FTO: variants seen among roughly 807,000 people sequenced by gnomAD.
FTO encodes the protein FTO alpha-ketoglutarate dependent dioxygenase, also known as alpha-ketoglutarate-dependent dioxygenase FTO.
FTO carries 47 observed loss-of-function variants against 63.9 expected under a neutral mutation model. That is an observed-to-expected ratio of 0.74 (90% confidence interval 0.58 to 0.94). FTO has a LOEUF of 0.94. FTO is among the 40% of genes least tolerant of loss of function. The probability of loss-of-function intolerance (pLI) is 0.00; values close to 1 mark genes in which losing one functional copy is unlikely to be tolerated. For synonymous variants in FTO, 207 were observed against 224.4 expected, an observed-to-expected ratio of 0.92 and a Z score of 0.69; for missense variants, 562 against 618.1, an observed-to-expected ratio of 0.91 and a Z score of 0.96.
intron 8 of FTO, among the ~76,000 whole-genome samples, chr16:54,081,278 C>T (rs1567559749): frequency 6.6e-6 from 1 of 152,116 alleles, no homozygotes; most frequent in Non-Finnish European, 1.5e-5. Context: ...ACCCCCTTTC[C>T]AAAGAAGGCG....
chr16:53,946,794 T>A (rs1473629774), intron 8 of FTO, among the ~76,000 whole-genome samples: 1 of 152,186 alleles, frequency 6.6e-6, no homozygotes, highest in African/African-American at 2.4e-5. Flanking sequence ...AGCTCTGGCC[T>A]CTTTCCTACC....
chr16:53,823,057 A>G (rs1204898186), intron 2 of FTO, among the ~76,000 whole-genome samples: 18 of 152,172 alleles, frequency 1.2e-4, no homozygotes, highest in Non-Finnish European at 4.4e-5. Flanking sequence ...ATTCAGAGAC[A>G]TCTCTACATG....
chr16:53,888,585 A>G (rs11859341), intron 6 of FTO, among the ~76,000 whole-genome samples: 27,555 of 151,940 alleles, frequency 0.18, 2,781 homozygotes, highest in South Asian at 0.28. Flanking sequence ...CTGCCAATCT[A>G]TTAGGATTAT....
chr16:53,851,597 A>G (rs893533296), intron 4 of FTO, among the ~76,000 whole-genome samples: 1 of 152,180 alleles, frequency 6.6e-6, no homozygotes, highest in Non-Finnish European at 1.5e-5. Context: ...GTCCTTTGTA[A>G]GTGTTAGCGT....
intron 8 of FTO, among the ~76,000 whole-genome samples, chr16:53,936,106 A>G (rs2082385009): frequency 6.6e-6 from 1 of 152,256 alleles, no homozygotes; most frequent in African/African-American, 2.4e-5. Flanking sequence ...TTTAAAAGGA[A>G]TCTGCTTTCA....
At chr16:53,831,267 C>G (rs757742060) in intron 3 of FTO, among the ~76,000 whole-genome samples, 2 of 152,134 alleles carry the variant, frequency 1.3e-5, no homozygotes, top group African/African-American at 2.4e-5. Flanking sequence ...AATCTCAAAG[C>G]TTATTTGACC....
At chr16:54,059,648 C>T (rs974139494) in intron 8 of FTO, among the ~76,000 whole-genome samples, 2 of 152,170 alleles carry the variant, frequency 1.3e-5, no homozygotes, top group African/African-American at 4.8e-5. Context: ...ATTACTGTGG[C>T]TCATGCTGGA....
intron 7 of FTO, among the ~76,000 whole-genome samples, chr16:53,912,486 T>C (rs1221754695): frequency 1.3e-5 from 2 of 152,248 alleles, no homozygotes; most frequent in Non-Finnish European, 2.9e-5. Flanking sequence ...TAGAAGTGAA[T>C]AGACTTCTTT....
intron 3 of FTO, among the ~76,000 whole-genome samples, chr16:53,840,355 T>G (rs2079440132): frequency 6.6e-6 from 1 of 152,220 alleles, no homozygotes; most frequent in African/African-American, 2.4e-5. Context: ...TAGCATTAAT[T>G]ATTATACTGT....
At chr16:53,758,987 T>A (rs1480431430) in intron 1 of FTO, among the ~76,000 whole-genome samples, 2 of 152,204 alleles carry the variant, frequency 1.3e-5, no homozygotes, top group Non-Finnish European at 2.9e-5. Context: ...TGGGATGTGA[T>A]TTGAAATAAT....
chr16:54,027,459 A>C lies in FTO; in HGVS notation c.1365-84303A>C, dbSNP rs2084739912. 2.0e-5 allele frequency among the ~76,000 whole-genome samples: 3 copies of C among 151,866 alleles called. No individual in the cohort carries two copies. The South Asian group carries it at 6.3e-4, about 32-fold the overall frequency. ...TTTCTTTGCTTCAGACAAAGCGAAA[A>C]GAAAAAAGGACATTAGGAACCCTCA... On this transcript the variant is annotated intron_variant, in intron 8 of 8. Coordinates refer to ENST00000471389, the MANE Select transcript of FTO (RefSeq NM_001080432.3).
chr16:54,055,045 A>G (rs1268862610), intron 8 of FTO, among the ~76,000 whole-genome samples: 1 of 152,190 alleles, frequency 6.6e-6, no homozygotes, highest in African/African-American at 2.4e-5. Flanking sequence ...GAGATGGAGA[A>G]TGAAGTTGCA....
chr16:53,704,865 A>T (rs1423946738), intron 1 of FTO, among the ~76,000 whole-genome samples: 1 of 152,222 alleles, frequency 6.6e-6, no homozygotes, highest in Non-Finnish European at 1.5e-5. Flanking sequence ...GTCACAGCAG[A>T]TTGCAAGATA....
chr16:53,874,846 A>G (rs1184966104), intron 5 of FTO, among the ~76,000 whole-genome samples: 1 of 152,118 alleles, frequency 6.6e-6, no homozygotes, highest in Non-Finnish European at 1.5e-5. Context: ...TCTCTTTTCC[A>G]TTCACTCATT....
At chr16:53,838,251 C>G (rs1313294274) in intron 3 of FTO, among the ~76,000 whole-genome samples, 1 of 152,142 alleles carries the variant, frequency 6.6e-6, no homozygotes, top group African/African-American at 2.4e-5. Context: ...TAGCAAGGGA[C>G]CAGCCTTTTA....
chr16:53,987,595 AAAG>A (rs563851246), intron 8 of FTO, among the ~76,000 whole-genome samples: 38,244 of 136,014 alleles, frequency 0.28, 5,758 homozygotes, highest in Non-Finnish European at 0.33. Flanking sequence ...AAAAAAAAAA[AAAG>A]AAAAGAAAAG....
rs189319393 is a variant in FTO at position 54,120,039 on chromosome 16, G to T, written c.*8124G>T. ...TTTGTGCCCATTAAGTGAGCTGTGC[G>T]TGCAGAATGGGAGAGGCATCCCTGC... On this transcript the variant is annotated 3_prime_UTR_variant, in exon 9 of 9. Coordinates refer to ENST00000471389, the MANE Select transcript of FTO (RefSeq NM_001080432.3). The T allele has an allele frequency of 6.6e-6, 1 of 152,342 alleles. No homozygotes were observed. Among genetic ancestry groups the T allele is most frequent in the East Asian group, 1.9e-4 (1 of 5,188 alleles). 9.4% of individuals were successfully genotyped at this position (152,342 alleles called of 1,614,324 possible).
intron 8 of FTO, among the ~76,000 whole-genome samples, chr16:53,948,209 G>A (rs1236120053): frequency 6.6e-6 from 1 of 152,190 alleles, no homozygotes; most frequent in Non-Finnish European, 1.5e-5. Context: ...ACCTGGTTTG[G>A]AGGGATTTGA....
intron 6 of FTO, among the ~76,000 whole-genome samples, chr16:53,882,666 A>G (rs2080869462): frequency 6.6e-6 from 1 of 152,182 alleles, no homozygotes; most frequent in Admixed American, 6.5e-5. Context: ...GGAGCAGCAG[A>G]TTGTATAGGT....
Sources: allele counts gnomAD v4.1 joint callset (sites outside exome capture counted in the v4.1 genomes callset), GRCh38; gene constraint gnomAD v4.1.1; transcripts MANE v1.5; gene names NCBI Gene and HGNC (gene_info 2026-07-23, HGNC 2026-07-21).